The following CLCN2 variants were observed in gnomAD, a reference collection of about 807,000 sequenced individuals.
CLCN2 encodes the protein chloride channel protein 2.
CLCN2 carries 72 observed loss-of-function variants against 108.3 expected under a neutral mutation model. The observed-to-expected ratio is 0.66, with a 90% CI of 0.55 to 0.81. The LOEUF is 0.81. Ranked by LOEUF, CLCN2 falls within the 30% of genes least tolerant of loss-of-function variation. The pLI, the probability that CLCN2 is intolerant of heterozygous loss-of-function variation, is 0.00. For synonymous variants in CLCN2, 471 were observed against 467.1 expected (o/e 1.01, Z -0.11); for missense variants, 1,048 against 1,205.2 (o/e 0.87, Z 1.93).
At chr3:184,356,076 C>G (rs887095521) in intron 10 of CLCN2, 3 of 422,400 alleles carry the variant, frequency 7.1e-6, no homozygotes, top group African/African-American at 6.1e-5. Flanking sequence ...AGTTGTTATT[C>G]CACCCTCCAC....
chr3:184,347,511 A>T, intron 22 of CLCN2: 1 of 276,342 alleles, frequency 3.6e-6, no homozygotes, highest in South Asian at 3.9e-5. Context: ...CACACCGGAG[A>T]GGGACGCACA....
chr3:184,346,670 G>A lies in CLCN2; in HGVS notation c.2633C>T (p.Pro878Leu). ...CCGGGGGAGGCCATGACGGGAGTGGGGCCCCCAGAGTGCATGCACCTCAGT... is the reference window on the plus strand; with the variant it reads ...CCGGGGGAGGCCATGACGGGAGTGGAGCCCCCAGAGTGCATGCACCTCAGT... ...ETTEVHALWG[P>L]HSRHGLPREG... Residue 878 changes from proline to leucine, a missense_variant, in exon 24 of 24, where the codon CCC becomes CTC. Coordinates refer to ENST00000265593, the MANE Select transcript of CLCN2 (RefSeq NM_004366.6). The surrounding 1 kb of genome is among the most constrained non-coding windows in gnomAD (Gnocchi z 6.0). 6.2e-7 allele frequency: 1 copy of A among 1,614,194 alleles called. No homozygotes were observed. The highest frequency in any genetic ancestry group is 8.5e-7 in the Non-Finnish European group (1 of 1,180,040).
At chr3:184,356,788 C>T (rs139340112) in intron 10 of CLCN2, 297 of 598,728 alleles carry the variant, frequency 5.0e-4, no homozygotes, top group African/African-American at 4.4e-3. Flanking sequence ...TGTCCTCTAC[C>T]GCTGACTATA....
Position 184,355,359 on chromosome 3 carries a change from A to C in CLCN2, c.1326+15T>G. 2 of 1,613,664 alleles carry C rather than the reference A, an allele frequency of 1.2e-6. No homozygotes were observed. The highest frequency in any genetic ancestry group is 1.7e-6 in the Non-Finnish European group (2 of 1,179,962). ...AGCTATGTAAAGGTTAGCAGTGTAC[A>C]CGTGAGGAGCCCACCTTCATGAGAA... On this transcript the variant is annotated intron_variant, in intron 12 of 23. Coordinates refer to ENST00000265593, the MANE Select transcript of CLCN2 (RefSeq NM_004366.6). This position sits in a 1 kb window ranked among gnomAD's most constrained non-coding sequence, Gnocchi z 6.3.
At chr3:184,358,448 G>T in intron 3 of CLCN2, 138 bp from the exon 4 acceptor site, 1 of 1,289,904 alleles carries the variant, frequency 7.8e-7, no homozygotes, top group Non-Finnish European at 1.1e-6. Flanking sequence ...GGTCCCTGAG[G>T]GTATTCACTG....
chr3:184,355,422 T>G lies in CLCN2; in HGVS notation c.1278A>C (p.Pro426=), dbSNP rs771382685. The G allele has an allele frequency of 6.2e-7, 1 of 1,613,860 alleles. No homozygotes were observed. The highest frequency in any genetic ancestry group is 8.5e-7 in the Non-Finnish European group (1 of 1,180,024). ...GGGTGAGGAAGACGTTGGCACGTGGTGGGTTCCAGGCCTGTGAGGTGCTGG... is the reference window on the plus strand; with the variant it reads ...GGGTGAGGAAGACGTTGGCACGTGGGGGGTTCCAGGCCTGTGAGGTGCTGG... ...EPPSTSQAWN[P]PRANVFLTLV... Residue 426 remains proline (P), a synonymous_variant, in exon 12 of 24, where the codon CCA becomes CCC. Transcript: ENST00000265593. This position sits in a 1 kb window ranked among gnomAD's most constrained non-coding sequence, Gnocchi z 6.3.
In CLCN2 at chr3:184,357,267, C is replaced by G; in HGVS notation, c.899-1G>C. On this transcript the variant is annotated splice_acceptor_variant, in intron 8 of 23. Transcript: ENST00000265593. LOFTEE classifies it high-confidence loss of function. ...GTTTTGAAGAGGGCTGTAATAGTCTCTAAAGGGAAGAACAGCAGAGGGAGG... is the reference window on the plus strand; with the variant it reads ...GTTTTGAAGAGGGCTGTAATAGTCTGTAAAGGGAAGAACAGCAGAGGGAGG... 1 of 1,614,016 alleles carries G rather than the reference C, an allele frequency of 6.2e-7. No homozygotes were observed. The highest frequency in any genetic ancestry group is 8.5e-7 in the Non-Finnish European group (1 of 1,180,018).
At position 184,358,024 on chromosome 3, in the gene CLCN2, A is replaced by C. The variant is rs1228832378; in HGVS notation, c.553T>G (p.Phe185Val). Residue 185 changes from phenylalanine (F) to valine (V), a missense_variant, in exon 5 of 24, where the codon TTT (phenylalanine) becomes GTT (valine). Transcript: ENST00000265593. ...GTCAGCCCAATGACCTTAGCTATAA[A>C]GGTCTTGAGTGTGAGGTATTCTTTC... The part of the protein sequence containing the change: ...VLKEYLTLKT[F>V]IAKVIGLTCA... 4.3e-6 allele frequency: 7 copies of C among 1,613,968 alleles called. No homozygotes were observed. The highest frequency in any genetic ancestry group is 5.9e-6 in the Non-Finnish European group (7 of 1,180,038).
chr3:184,354,799 G>A (rs1728417260), intron 13 of CLCN2, 105 bp downstream of exon 13: 2 of 1,414,866 alleles, frequency 1.4e-6, no homozygotes, highest in Non-Finnish European at 2.0e-6. Context: ...CAGGGTTCGG[G>A]CTAGGGCTGG....
Position 184,355,417 on chromosome 3 carries a change from C to G in CLCN2, c.1283G>C (p.Arg428Pro), listed in dbSNP as rs369890010. ...GACCAGGGTGAGGAAGACGTTGGCA[C>G]GTGGTGGGTTCCAGGCCTGTGAGGT... ...PSTSQAWNPP[R>P]ANVFLTLVIF... The change falls in exon 12 of 24, where the codon CGT becomes CCT. Residue 428 changes from arginine to proline, a missense_variant. By Grantham distance (103) the Arg-to-Pro change is moderately radical. Transcript: ENST00000265593. The surrounding 1 kb of genome is among the most constrained non-coding windows in gnomAD (Gnocchi z 6.3). The G allele has an allele frequency of 1.2e-6, 2 of 1,613,980 alleles. No homozygotes were observed. Among genetic ancestry groups the G allele is most frequent in the Non-Finnish European group, 1.7e-6 (2 of 1,180,020 alleles).
chr3:184,351,890 C>G, intron 22 of CLCN2, 123 bp downstream of exon 22: 2 of 790,768 alleles, frequency 2.5e-6, no homozygotes, highest in East Asian at 2.4e-5. Flanking sequence ...CATCTCCGCA[C>G]TGAGCCAACT....
Position 184,357,272 on chromosome 3 carries a change from G to C in CLCN2, c.899-6C>G. 1 of 1,614,024 alleles carries C rather than the reference G, an allele frequency of 6.2e-7. No homozygotes were observed. Among genetic ancestry groups the C allele is most frequent in the African/African-American group, 1.3e-5 (1 of 75,040 alleles). Reference sequence around the variant, plus strand: ...GAAGAGGGCTGTAATAGTCTCTAAAGGGAAGAACAGCAGAGGGAGGCAGGC... The same window carrying C: ...GAAGAGGGCTGTAATAGTCTCTAAACGGAAGAACAGCAGAGGGAGGCAGGC... On this transcript the variant is annotated splice_region_variant and splice_polypyrimidine_tract_variant and intron_variant, in intron 8 of 23. Transcript: ENST00000265593.
At position 184,346,835 on chromosome 3, in the gene CLCN2, G is replaced by T; in HGVS notation, c.2503-35C>A. The T allele has an allele frequency of 6.2e-7, 1 of 1,613,472 alleles. No homozygotes were observed. Among genetic ancestry groups the T allele is most frequent in the African/African-American group, 1.3e-5 (1 of 75,040 alleles). On this transcript the variant is annotated intron_variant, in intron 23 of 23. Transcript: ENST00000265593. The surrounding 1 kb of genome is among the most constrained non-coding windows in gnomAD (Gnocchi z 6.0). ...TGAGAGGGACAGATGTCTGGACCCAGATGTCAGACTCCTCCCCGCCTTCCT... is the reference window on the plus strand; with the variant it reads ...TGAGAGGGACAGATGTCTGGACCCATATGTCAGACTCCTCCCCGCCTTCCT...
chr3:184,358,740 C>T lies in CLCN2; in HGVS notation c.294G>A (p.Gly98=), dbSNP rs147645052. 5.6e-6 allele frequency: 9 copies of T among 1,601,644 alleles called. No individual in the cohort carries two copies. Among genetic ancestry groups the T allele is most frequent in the Non-Finnish European group, 6.8e-6 (8 of 1,173,440 alleles). Reference sequence around the variant, plus strand: ...CCCAGCTGACCAATGCCATGAGAAGCCCCAGCAGGACCAGGAAGATCCAAT... The same window carrying T: ...CCCAGCTGACCAATGCCATGAGAAGTCCCAGCAGGACCAGGAAGATCCAAT... ...GEDWIFLVLL[G]LLMALVSWVM... is the part of the protein sequence containing the mutation. Residue 98 remains glycine, a synonymous_variant, in exon 3 of 24, where the codon GGG becomes GGA. Transcript: ENST00000265593.
Position 184,358,872 on chromosome 3 carries a change from A to G in CLCN2, c.221-59T>C, listed in dbSNP as rs539036096. 8.9e-5 allele frequency: 143 copies of G among 1,613,434 alleles called. No homozygotes were observed. The African/African-American group carries it at 1.7e-3, about 19-fold the overall frequency. The stretch of plus-strand genomic sequence containing the variant: ...GCACCAAAGTGCTCCTACCCCTTTT[A>G]CTGCCCCCTCAACTGTCCCCTCTCC... On this transcript the variant is annotated intron_variant, in intron 2 of 23. Coordinates refer to ENST00000265593, the MANE Select transcript of CLCN2 (RefSeq NM_004366.6).
At chr3:184,349,765 G>A (rs112666080) in intron 22 of CLCN2, among the ~76,000 whole-genome samples, 2,348 of 152,306 alleles carry the variant, frequency 0.015, 25 homozygotes, top group Non-Finnish European at 0.023. Context: ...AGCACAGAGA[G>A]GCTAAGAAAC....
chr3:184,347,175 C>A (rs932124577), intron 22 of CLCN2, 154 bp from the exon 23 acceptor site: 1 of 687,136 alleles, frequency 1.5e-6, no homozygotes, highest in Non-Finnish European at 2.7e-6. Context: ...AAAATAATAA[C>A]AATCGTAATA....
Position 184,358,985 on chromosome 3 carries a change from G to GGC in CLCN2, c.208_209dup (p.Arg71ProfsTer14). The GGC allele has an allele frequency of 6.2e-7, 1 of 1,613,526 alleles. No individual in the cohort carries two copies. The highest frequency in any genetic ancestry group is 8.5e-7 in the Non-Finnish European group (1 of 1,180,012). On this transcript the variant is annotated frameshift_variant, in exon 2 of 24. Coordinates refer to ENST00000265593, the MANE Select transcript of CLCN2 (RefSeq NM_004366.6). LOFTEE classifies it high-confidence loss of function. ...CACCCCAGTTCTCACCGCGGCATCG[G>GGC]GCGCAACGGCTCCGTCCATATTCCA...
intron 10 of CLCN2, chr3:184,356,155 C>A (rs1411702672): frequency 6.0e-6 from 2 of 332,542 alleles, no homozygotes; most frequent in Non-Finnish European, 1.2e-5. Context: ...TGTCTCTCTG[C>A]AGTGACTTAG....
Sources: allele counts gnomAD v4.1 joint callset (sites outside exome capture counted in the v4.1 genomes callset), GRCh38; gene constraint gnomAD v4.1.1; non-coding constraint Gnocchi (gnomAD v3.1); transcripts MANE v1.5; gene names NCBI Gene and HGNC (gene_info 2026-07-23, HGNC 2026-07-21).